Variants in RIMBP2 observed in about 807,000 individuals in gnomAD.
RIMBP2 encodes the protein RIMS-binding protein 2.
A neutral mutation model predicts 118.6 loss-of-function variants in RIMBP2; 48 were observed. That is an observed-to-expected ratio of 0.40 (90% CI 0.32 to 0.51). The LOEUF is 0.51. Among genes scored for constraint, RIMBP2 ranks in the 20% least tolerant of loss-of-function variants. The probability of loss-of-function intolerance (pLI) is 0.41; values close to 1 mark genes in which losing one functional copy is unlikely to be tolerated. For synonymous variants in RIMBP2, 762 were observed against 742.9 expected (o/e 1.03, Z -0.42); for missense variants, 1,551 against 1,768.3 (o/e 0.88, Z 2.20).
At chr12:130,536,538 C>T (rs1041778430) in intron 2 of RIMBP2, among the ~76,000 whole-genome samples, 5 of 152,150 alleles carry the variant, frequency 3.3e-5, no homozygotes, top group Admixed American at 6.5e-5. Flanking sequence ...CACTTACTTC[C>T]GCCATAGTCA....
chr12:130,573,394 G>GTT (rs59864869), intron 2 of RIMBP2, among the ~76,000 whole-genome samples: 1 of 30,984 alleles, frequency 3.2e-5, no homozygotes, highest in Admixed American at 3.4e-4. Flanking sequence ...GTGTTCGCGC[G>GTT]TGTGTGTGCG....
At chr12:130,507,596 C>T (rs1327139993) in intron 3 of RIMBP2, among the ~76,000 whole-genome samples, 1 of 152,146 alleles carries the variant, frequency 6.6e-6, no homozygotes, top group Non-Finnish European at 1.5e-5. Context: ...ATTCTCAGGC[C>T]ACAACCCCCA....
intron 6 of RIMBP2, among the ~76,000 whole-genome samples, chr12:130,460,576 G>A (rs1460056430): frequency 6.6e-6 from 1 of 152,114 alleles, no homozygotes; most frequent in Non-Finnish European, 1.5e-5. Context: ...AGCAATATTG[G>A]TATTATTTGT....
rs2078886257 is a variant in RIMBP2 at position 130,450,250 on chromosome 12, G to A, written c.531C>T (p.Thr177=). The A allele has an allele frequency of 1.9e-6, 3 of 1,609,776 alleles. No homozygotes were observed. Among genetic ancestry groups the A allele is most frequent in the Non-Finnish European group, 2.5e-6 (3 of 1,177,704 alleles). ...SDMENERNSN[T]SKQRYSGKVH... ...CCTTCCCCGAGTATCTCTGCTTGGA[G>A]GTATTGGAATTCCGTTCATTCTCCA... is the stretch of plus-strand genomic sequence containing the variant. Residue 177 remains threonine (T), a synonymous_variant, in exon 9 of 23, where the codon ACC becomes ACT. Coordinates refer to ENST00000690449, the MANE Select transcript of RIMBP2 (RefSeq NM_001393629.1). The surrounding 1 kb of genome is among the most constrained non-coding windows in gnomAD (Gnocchi z 4.8).
chr12:130,441,269 C>T (rs189490329), intron 11 of RIMBP2, among the ~76,000 whole-genome samples: 1 of 151,854 alleles, frequency 6.6e-6, no homozygotes, highest in African/African-American at 2.4e-5. Flanking sequence ...AGCGTGGCGG[C>T]AGGTGCCTAT....
chr12:130,438,049 A>G (rs1203271500), intron 12 of RIMBP2, among the ~76,000 whole-genome samples: 1 of 152,088 alleles, frequency 6.6e-6, no homozygotes, highest in South Asian at 2.1e-4. Context: ...TCGTGCTAAG[A>G]CTCAGTTTGT....
At chr12:130,618,450 T>G (rs2061094642) in intron 2 of RIMBP2, among the ~76,000 whole-genome samples, 1 of 152,102 alleles carries the variant, frequency 6.6e-6, no homozygotes, top group Non-Finnish European at 1.5e-5. Flanking sequence ...CTCCTCCTGG[T>G]AAAGACAAAA....
intron 1 of RIMBP2, among the ~76,000 whole-genome samples, chr12:130,649,533 G>T (rs1331714395): frequency 1.3e-5 from 2 of 152,230 alleles, no homozygotes; most frequent in Non-Finnish European, 2.9e-5. Flanking sequence ...CTGAGAAGTG[G>T]CTTCCCACAG....
At chr12:130,470,835 C>A (rs1220572754) in intron 5 of RIMBP2, 92 bp from the exon 6 acceptor site, 3 of 650,428 alleles carry the variant, frequency 4.6e-6, no homozygotes, top group Non-Finnish European at 6.6e-6. Flanking sequence ...GGTGGGGGAT[C>A]ATTTATTTTT....
In RIMBP2 at chr12:130,703,411, G is replaced by C. The variant is rs1033680661; in HGVS notation, c.-352+12811C>G. Among the ~76,000 whole-genome samples, 1 of 152,190 alleles carries C rather than the reference G, an allele frequency of 6.6e-6. No homozygotes were observed. The highest frequency in any genetic ancestry group is 2.4e-5 in the African/African-American group (1 of 41,440). ...ATGACCTTGTGTTAGAACTGTGGTG[G>C]GAAGAGTGCTGTATTCTCAAACGAT... On this transcript the variant is annotated intron_variant, in intron 1 of 22. Transcript: ENST00000690449. This position sits in a 1 kb window ranked among gnomAD's most constrained non-coding sequence, Gnocchi z 5.7.
intron 2 of RIMBP2, among the ~76,000 whole-genome samples, chr12:130,606,517 G>A (rs1432108723): frequency 6.6e-6 from 1 of 152,256 alleles, no homozygotes; most frequent in Non-Finnish European, 1.5e-5. Context: ...AGGAGTGCAG[G>A]TTGAAGAGGC....
intron 1 of RIMBP2, among the ~76,000 whole-genome samples, chr12:130,655,946 G>T (rs1053834654): frequency 1.3e-5 from 2 of 152,242 alleles, no homozygotes; most frequent in African/African-American, 2.4e-5. Context: ...AGTGAAAGGA[G>T]GATGCTGGTG....
chr12:130,645,600 ACAT>A (rs1327396478), intron 1 of RIMBP2, among the ~76,000 whole-genome samples: 1 of 152,210 alleles, frequency 6.6e-6, no homozygotes, highest in Non-Finnish European at 1.5e-5. Context: ...TGGAGCAAGC[ACAT>A]AGCCTGGGGG....
intron 17 of RIMBP2, among the ~76,000 whole-genome samples, chr12:130,415,471 C>G (rs1422371805): frequency 6.6e-6 from 1 of 152,208 alleles, no homozygotes; most frequent in Non-Finnish European, 1.5e-5. Flanking sequence ...AGGCTGGAAG[C>G]CTTCACCTTA....
chr12:130,486,614 G>A (rs1174847720), intron 4 of RIMBP2, among the ~76,000 whole-genome samples: 2 of 151,372 alleles, frequency 1.3e-5, no homozygotes, highest in Non-Finnish European at 2.9e-5. Flanking sequence ...CTCGGCCAAG[G>A]ACACCATCAT....
At chr12:130,512,158 C>T (rs2090231) in intron 3 of RIMBP2, among the ~76,000 whole-genome samples, 1 of 152,006 alleles carries the variant, frequency 6.6e-6, no homozygotes, top group Non-Finnish European at 1.5e-5. Context: ...GCCCAGAAGA[C>T]AGCCTGGCAG....
chr12:130,450,063 C>T lies in RIMBP2; in HGVS notation c.581+137G>A. On this transcript the variant is annotated intron_variant, in intron 9 of 22. Coordinates refer to ENST00000690449, the MANE Select transcript of RIMBP2 (RefSeq NM_001393629.1). The surrounding 1 kb of genome is among the most constrained non-coding windows in gnomAD (Gnocchi z 4.8). ...CTCTCCACCGAACCCTGCTCAGCCT[C>T]CAGGCCAGGCTGAAATCCCACCTTC... The T allele has an allele frequency of 1.6e-6, 1 of 633,512 alleles. No individual in the cohort carries two copies. Among genetic ancestry groups the T allele is most frequent in the Non-Finnish European group, 2.8e-6 (1 of 355,688 alleles). The allele number at this position is 633,512 out of a possible 1,614,324, so 39.2% of individuals were successfully genotyped here.
rs145143065 is a variant in RIMBP2, at chr12:130,442,134, G to A, written c.1218C>T (p.Asp406=). 2.0e-4 allele frequency: 325 copies of A among 1,614,166 alleles called. 1 individual carries two copies. The highest frequency in any genetic ancestry group is 7.5e-4 in the African/African-American group (56 of 75,074). ...ELQCTLLVGK[D]VVVAPSHLRV... is the part of the protein sequence containing the mutation. ...GCAGGTGGGAGGGGGCCACCACCACGTCCTTGCCCACCAGCAGCGTGCACT... is the reference window on the plus strand; with the variant it reads ...GCAGGTGGGAGGGGGCCACCACCACATCCTTGCCCACCAGCAGCGTGCACT... The change falls in exon 11 of 23, where the codon GAC becomes GAT. Residue 406 remains aspartate (D), a synonymous_variant. Transcript: ENST00000690449. This position sits in a 1 kb window ranked among gnomAD's most constrained non-coding sequence, Gnocchi z 6.9.
At chr12:130,671,842 A>T (rs1002348148) in intron 1 of RIMBP2, among the ~76,000 whole-genome samples, 1 of 152,178 alleles carries the variant, frequency 6.6e-6, no homozygotes, top group Non-Finnish European at 1.5e-5. Flanking sequence ...GCCTCCTCCA[A>T]GTGCATGTGG....
Sources: allele counts gnomAD v4.1 joint callset (sites outside exome capture counted in the v4.1 genomes callset), GRCh38; gene constraint gnomAD v4.1.1; non-coding constraint Gnocchi (gnomAD v3.1); transcripts MANE v1.5; gene names NCBI Gene and HGNC (gene_info 2026-07-23, HGNC 2026-07-21).